Variants in VAPB observed in about 807,000 individuals in gnomAD.
The protein encoded by VAPB is vesicle-associated membrane protein-associated protein B/C.
In VAPB, 7 loss-of-function variants were observed where a neutral mutation model predicts 25.6. That is an observed-to-expected ratio of 0.27 (90% CI 0.16 to 0.51). The LOEUF (loss-of-function observed/expected upper bound fraction) is 0.51. Ranked by LOEUF, VAPB falls within the 20% of genes least tolerant of loss-of-function variation. The pLI is 0.97. For synonymous variants in VAPB, 112 were observed against 109.2 expected (o/e 1.03, Z -0.16); for missense variants, 266 against 301.3 (o/e 0.88, Z 0.87).
At chr20:58,402,528 TC>T (rs1485429883) in intron 1 of VAPB, among the ~76,000 whole-genome samples, 4 of 151,484 alleles carry the variant, frequency 2.6e-5, no homozygotes, top group East Asian at 1.9e-4. Flanking sequence ...GATACGTGAC[TC>T]CCTTTCGCTG....
At chr20:58,436,756 C>G (rs868641048) in intron 3 of VAPB, among the ~76,000 whole-genome samples, 1 of 152,038 alleles carries the variant, frequency 6.6e-6, no homozygotes, top group African/African-American at 2.4e-5. Flanking sequence ...CATTTGCTTC[C>G]TTTCTGTCAC....
chr20:58,400,387 A>T (rs563028957), intron 1 of VAPB, among the ~76,000 whole-genome samples: 1 of 152,178 alleles, frequency 6.6e-6, no homozygotes, highest in Non-Finnish European at 1.5e-5. Flanking sequence ...CTTTGTTCCT[A>T]TGGGCTCCTG....
At chr20:58,419,087 C>T (rs563080932) in intron 2 of VAPB, among the ~76,000 whole-genome samples, 1 of 152,284 alleles carries the variant, frequency 6.6e-6, no homozygotes, top group African/African-American at 2.4e-5. Flanking sequence ...TAGAACTTCT[C>T]CATCCAAGAA....
At chr20:58,404,223 C>T (rs1487553553) in intron 1 of VAPB, among the ~76,000 whole-genome samples, 1 of 152,156 alleles carries the variant, frequency 6.6e-6, no homozygotes, top group African/African-American at 2.4e-5. Flanking sequence ...CGGATAGGTT[C>T]GTGGCCCAAA....
In VAPB at chr20:58,447,115, C is replaced by T. The variant is rs1445028138; in HGVS notation, c.*2880C>T. 2 of 454,114 alleles carry T rather than the reference C, an allele frequency of 4.4e-6. No homozygotes were observed. The highest frequency in any genetic ancestry group is 8.8e-6 in the Non-Finnish European group (2 of 226,794). The allele number at this position is 454,114 out of a possible 1,614,324, so 28.1% of individuals were successfully genotyped here. ...TCCTGTGGTTACTGGCTCCACAGCA[C>T]CTCAGAGAGGGCGGCCCTGGCTTCA... On this transcript the variant is annotated 3_prime_UTR_variant, in exon 6 of 6. Transcript: ENST00000475243.
At chr20:58,393,501 G>A (rs762315461) in intron 1 of VAPB, among the ~76,000 whole-genome samples, 5 of 152,034 alleles carry the variant, frequency 3.3e-5, no homozygotes, top group Non-Finnish European at 5.9e-5. Flanking sequence ...AGAGCTTTCC[G>A]AATGAGTCAC....
chr20:58,432,024 A>G (rs1988939006), intron 2 of VAPB, among the ~76,000 whole-genome samples: 1 of 152,094 alleles, frequency 6.6e-6, no homozygotes, highest in African/African-American at 2.4e-5. Flanking sequence ...TCATGAAAGT[A>G]TTGGGGATGA....
intron 2 of VAPB, among the ~76,000 whole-genome samples, chr20:58,426,092 C>T (rs967209971): frequency 5.3e-5 from 8 of 151,976 alleles, no homozygotes; most frequent in Non-Finnish European, 1.2e-4. Context: ...GATGGGATTT[C>T]ACAATGTTGG....
intron 2 of VAPB, among the ~76,000 whole-genome samples, chr20:58,420,015 T>G (rs1988636111): frequency 6.6e-6 from 1 of 152,116 alleles, no homozygotes; most frequent in South Asian, 2.1e-4. Context: ...TGAGACAGTC[T>G]CACTTTGTCG....
At chr20:58,416,298 CA>C (rs1988538429) in intron 1 of VAPB, among the ~76,000 whole-genome samples, 1 of 150,724 alleles carries the variant, frequency 6.6e-6, no homozygotes, top group African/African-American at 2.4e-5. Flanking sequence ...GGGAAATTTT[CA>C]AAAACAGTTA....
intron 2 of VAPB, among the ~76,000 whole-genome samples, chr20:58,428,941 G>C (rs1988867478): frequency 6.6e-6 from 1 of 152,162 alleles, no homozygotes; most frequent in African/African-American, 2.4e-5. Context: ...TCCTCACTGT[G>C]GCTGGCTGAT....
rs1989332017 is a variant in VAPB at position 58,447,787 on chromosome 20, A to G, written c.*3552A>G. 2.2e-6 allele frequency: 1 copy of G among 453,928 alleles called. No homozygotes were observed. The highest frequency in any genetic ancestry group is 4.4e-6 in the Non-Finnish European group (1 of 226,734). The allele number at this position is 453,928 out of a possible 1,614,324, so 28.1% of individuals were successfully genotyped here. On this transcript the variant is annotated 3_prime_UTR_variant, in exon 6 of 6. Coordinates refer to ENST00000475243, the MANE Select transcript of VAPB (RefSeq NM_004738.5). ...GTTTGCAAACTCAGAATCCATGCCA[A>G]AATACAATGTTATATGTCATTTTCA...
At chr20:58,434,534 G>A in intron 2 of VAPB, 68 bp from the exon 3 acceptor site, 1 of 817,258 alleles carries the variant, frequency 1.2e-6, no homozygotes, top group Non-Finnish European at 2.2e-6. Flanking sequence ...CAAAGTACAA[G>A]TATTAGCATA....
intron 1 of VAPB, among the ~76,000 whole-genome samples, chr20:58,414,902 G>A (rs981611157): frequency 2.4e-4 from 36 of 152,344 alleles, no homozygotes; most frequent in African/African-American, 8.2e-4. Context: ...GTAGCGAGCC[G>A]AGATCACGCC....
intron 1 of VAPB, among the ~76,000 whole-genome samples, chr20:58,394,908 A>G (rs1987909871): frequency 1.3e-5 from 2 of 152,214 alleles, no homozygotes; most frequent in Admixed American, 1.3e-4. Context: ...ATGCTTATTA[A>G]AGAGCTGAAC....
rs191199836 is a variant in VAPB, at chr20:58,408,361, A to G, written c.59-9850A>G. Among the ~76,000 whole-genome samples the G allele has an allele frequency of 5.8e-4, 89 of 152,342 alleles. No individual in the cohort carries two copies. In the East Asian group the frequency reaches 0.017, roughly 29 times the overall value. ...GGGTTGTTTTTATGTGGTTATTTCA[A>G]AATAAGAGCTATACAATCAGGCTTT... On this transcript the variant is annotated intron_variant, in intron 1 of 5. Coordinates refer to ENST00000475243, the MANE Select transcript of VAPB (RefSeq NM_004738.5).
intron 1 of VAPB, among the ~76,000 whole-genome samples, chr20:58,416,532 A>T (rs1988543476): frequency 6.6e-6 from 1 of 151,958 alleles, no homozygotes; most frequent in Non-Finnish European, 1.5e-5. Flanking sequence ...TGTGTTCACC[A>T]GTGTTGATAG....
In VAPB at chr20:58,448,617, G is replaced by A. The variant is rs1989355800; in HGVS notation, c.*4382G>A. 1 of 453,986 alleles carries A rather than the reference G, an allele frequency of 2.2e-6. No homozygotes were observed. The highest frequency in any genetic ancestry group is 2.0e-5 in the African/African-American group (1 of 49,998). 28.1% of individuals were successfully genotyped at this position (453,986 alleles called of 1,614,324 possible). A position where few individuals can be genotyped will look rare whatever the true frequency, so the allele number is the denominator to read the frequency against. On this transcript the variant is annotated 3_prime_UTR_variant, in exon 6 of 6. Coordinates refer to ENST00000475243, the MANE Select transcript of VAPB (RefSeq NM_004738.5). ...CTCTGAAAATCTGCTTCAGGGAAGT[G>A]AGTGGATGAGGCCTTCCTGCCTCAG...
intron 2 of VAPB, among the ~76,000 whole-genome samples, chr20:58,427,178 T>C (rs1349089808): frequency 4.0e-5 from 6 of 151,696 alleles, no homozygotes; most frequent in Admixed American, 6.6e-5. Context: ...ACGAAAGTGA[T>C]CTGTGATCTG....
Sources: allele counts gnomAD v4.1 joint callset (sites outside exome capture counted in the v4.1 genomes callset), GRCh38; gene constraint gnomAD v4.1.1; transcripts MANE v1.5; gene names NCBI Gene and HGNC (gene_info 2026-07-23, HGNC 2026-07-21).